The following FAAH2 variants were observed in gnomAD, a reference collection of about 807,000 sequenced individuals.
FAAH2 encodes the protein fatty acid amide hydrolase 2, also known as fatty-acid amide hydrolase 2.
FAAH2 carries 60 observed loss-of-function variants against 36.9 expected under a neutral mutation model. The ratio of observed to expected loss-of-function variants is 1.63; its 90% CI spans 1.32 to 2.02. The LOEUF is 2.02. FAAH2 is among the 30% of genes most tolerant of loss of function. FAAH2 has a pLI of 0.00. For synonymous variants in FAAH2, 214 were observed against 143.8 expected (o/e 1.49, Z -3.49); for missense variants, 689 against 397.5 (o/e 1.73, Z -6.23).
At chrX:57,216,643 T>A in the FAAH2 span, among the ~76,000 whole-genome samples, 1 of 92,738 alleles carries the variant, frequency 1.1e-5, no homozygotes, top group Admixed American at 1.2e-4. Context: ...TATACGTATA[T>A]ATATATACCA....
intron 3 of FAAH2, among the ~76,000 whole-genome samples, chrX:57,329,009 C>T (rs969745303): frequency 2.7e-5 from 3 of 111,750 alleles, no homozygotes; most frequent in Non-Finnish European, 5.6e-5. Context: ...TGGGTAAGTG[C>T]CAGCCAAAGA....
chrX:57,432,845 C>A (rs947008932), intron 8 of FAAH2, among the ~76,000 whole-genome samples: 13 of 110,792 alleles, frequency 1.2e-4, no homozygotes, highest in Non-Finnish European at 2.3e-4. Flanking sequence ...TTTACTCATA[C>A]GTAAAATTAA....
intron 7 of FAAH2, among the ~76,000 whole-genome samples, chrX:57,420,216 C>T (rs1290117397): frequency 1.0e-5 from 1 of 97,596 alleles, no homozygotes; most frequent in African/African-American, 4.2e-5. Flanking sequence ...TTTTTTGGTT[C>T]CATATGAACT....
At chrX:57,301,433 A>G (rs1391830978) in intron 2 of FAAH2, among the ~76,000 whole-genome samples, 1 of 80,865 alleles carries the variant, frequency 1.2e-5, no homozygotes, top group Non-Finnish European at 2.2e-5. Context: ...GGACACAGGA[A>G]GGGGAACATC....
chrX:57,228,050 A>T, the FAAH2 span, among the ~76,000 whole-genome samples: 1 of 110,864 alleles, frequency 9.0e-6, no homozygotes, highest in Non-Finnish European at 1.9e-5. Context: ...AGGCTTGAAA[A>T]TTTTCCCAAG....
intron 7 of FAAH2, among the ~76,000 whole-genome samples, chrX:57,400,651 C>A (rs969591678): frequency 7.1e-5 from 8 of 112,482 alleles, no homozygotes; most frequent in Non-Finnish European, 1.5e-4. Flanking sequence ...GCCAAGGAAC[C>A]CTCTTAGTTG....
the FAAH2 span, among the ~76,000 whole-genome samples, chrX:57,271,879 G>C: frequency 1.8e-5 from 2 of 110,573 alleles, no homozygotes; most frequent in African/African-American, 6.6e-5. Context: ...ACCAGCAAGG[G>C]AACAAAACTG....
chrX:57,468,805 C>G (rs750768277), intron 10 of FAAH2, among the ~76,000 whole-genome samples: 20 of 111,351 alleles, frequency 1.8e-4, no homozygotes, highest in African/African-American at 6.5e-4. Flanking sequence ...GTCAGATTCA[C>G]CAATGTTGAA....
chrX:57,322,597 T>C (rs899302139), intron 3 of FAAH2, among the ~76,000 whole-genome samples: 5 of 111,650 alleles, frequency 4.5e-5, no homozygotes, highest in Non-Finnish European at 9.4e-5. Flanking sequence ...ATATATTTTC[T>C]AATTTGCCTT....
At chrX:57,193,121 T>C in the FAAH2 span, among the ~76,000 whole-genome samples, 26 of 111,928 alleles carry the variant, frequency 2.3e-4, no homozygotes, top group East Asian at 6.2e-3. Flanking sequence ...CAAAAGCAAA[T>C]GGGAGAAATA....
intron 10 of FAAH2, among the ~76,000 whole-genome samples, chrX:57,472,944 G>A (rs1271481370): frequency 9.0e-6 from 1 of 110,669 alleles, no homozygotes; most frequent in Non-Finnish European, 1.9e-5. Flanking sequence ...AGTCCTGCTA[G>A]GGGTCTGTCA....
intron 6 of FAAH2, 41 bp downstream of exon 6, chrX:57,378,827 A>G: frequency 8.6e-6 from 10 of 1,162,486 alleles, no homozygotes; most frequent in Non-Finnish European, 1.2e-5. Flanking sequence ...TCTTATCCTG[A>G]CATTCATTCT....
At chrX:57,234,992 C>T in the FAAH2 span, among the ~76,000 whole-genome samples, 2 of 111,386 alleles carry the variant, frequency 1.8e-5, no homozygotes, top group Non-Finnish European at 3.8e-5. Context: ...GAGCCCAGAT[C>T]GTGACACTGC....
At chrX:57,274,966 T>C in the FAAH2 span, among the ~76,000 whole-genome samples, 2 of 112,046 alleles carry the variant, frequency 1.8e-5, no homozygotes, top group Admixed American at 1.9e-4. Flanking sequence ...AGTCAAATTG[T>C]CTGTGTTTGC....
intron 7 of FAAH2, among the ~76,000 whole-genome samples, chrX:57,429,920 A>G (rs2056254773): frequency 1.8e-5 from 2 of 111,098 alleles, no homozygotes; most frequent in Non-Finnish European, 3.8e-5. Context: ...TCTTAAGTGA[A>G]TGGTTTGGAA....
chrX:57,388,080 GAATA>G (rs2055070963), intron 7 of FAAH2, among the ~76,000 whole-genome samples: 1 of 111,253 alleles, frequency 9.0e-6, no homozygotes, highest in African/African-American at 3.3e-5. Context: ...TCTCCTGTCA[GAATA>G]AATAGCCAAG....
chrX:57,473,862 T>C (rs1015811019), intron 10 of FAAH2, among the ~76,000 whole-genome samples: 1 of 111,633 alleles, frequency 9.0e-6, no homozygotes, highest in African/African-American at 3.3e-5. Flanking sequence ...ATTTGCATGG[T>C]GTATCTTTTT....
At chrX:57,275,644 C>T in the FAAH2 span, among the ~76,000 whole-genome samples, 1 of 111,823 alleles carries the variant, frequency 8.9e-6, no homozygotes, top group African/African-American at 3.3e-5. Context: ...TGGATAGAGT[C>T]GAGACCTGCT....
the FAAH2 span, among the ~76,000 whole-genome samples, chrX:57,128,766 C>T: frequency 1.8e-5 from 2 of 111,828 alleles, no homozygotes; most frequent in African/African-American, 3.2e-5. Context: ...CTCCTATGTT[C>T]CAGACCCTTT....
Sources: allele counts gnomAD v4.1 joint callset (sites outside exome capture counted in the v4.1 genomes callset), GRCh38; gene constraint gnomAD v4.1.1; transcripts MANE v1.5; gene names NCBI Gene and HGNC (gene_info 2026-07-23, HGNC 2026-07-21).